The following SRSF4 variants were observed in gnomAD, a reference collection of about 807,000 sequenced individuals.
The protein encoded by SRSF4 is serine/arginine-rich splicing factor 4.
In SRSF4, 12 loss-of-function variants were observed where a neutral mutation model predicts 48.8. The ratio of observed to expected loss-of-function variants is 0.25; its 90% CI spans 0.16 to 0.40. The LOEUF (loss-of-function observed/expected upper bound fraction) is 0.40, where lower values mean the gene tolerates loss of function less well. Ranked by LOEUF, SRSF4 falls within the 10% of genes least tolerant of loss-of-function variation. The pLI is 1.00. For missense variants in SRSF4, 466 were observed against 667.1 expected (o/e 0.70, Z 3.32); for synonymous variants, 248 against 232.5 (o/e 1.07, Z -0.61).
At chr1:29,154,084 G>A (rs902427410) in intron 4 of SRSF4, among the ~76,000 whole-genome samples, 3 of 150,754 alleles carry the variant, frequency 2.0e-5, no homozygotes, top group Non-Finnish European at 2.9e-5. Flanking sequence ...ATGGAGTTTC[G>A]CTCTTGTTGC....
Position 29,170,932 on chromosome 1 carries a change from T to C in SRSF4, c.108-10415A>G, listed in dbSNP as rs921375562. 3.3e-5 allele frequency: 5 copies of C among 152,310 alleles called. No homozygotes were observed. In the East Asian group the frequency reaches 9.6e-4, roughly 29 times the overall value. The allele number at this position is 152,310 out of a possible 1,614,324, so 9.4% of individuals were successfully genotyped here. A position where few individuals can be genotyped will look rare whatever the true frequency, so the allele number is the denominator to read the frequency against. Reference sequence around the variant, plus strand: ...TGCCTTTCAAGCGCTTCTTCAGACATTGCGTGCAGTTCAGAAATCTTTAGC... The same window carrying C: ...TGCCTTTCAAGCGCTTCTTCAGACACTGCGTGCAGTTCAGAAATCTTTAGC... On this transcript the variant is annotated intron_variant, in intron 1 of 5. Coordinates refer to ENST00000373795, the MANE Select transcript of SRSF4 (RefSeq NM_005626.5).
intron 2 of SRSF4, 168 bp downstream of exon 2, chr1:29,160,207 A>C: frequency 1.4e-6 from 1 of 727,682 alleles, no homozygotes; most frequent in Non-Finnish European, 2.1e-6. Flanking sequence ...ATTAAAATTA[A>C]ACATTATCAA....
In SRSF4 at chr1:29,150,192, C is replaced by T. The variant is rs746667473; in HGVS notation, c.579G>A (p.Arg193=). The change falls in exon 5 of 6, where the codon AGG becomes AGA. Residue 193 remains arginine (R), a splice_region_variant and synonymous_variant. Coordinates refer to ENST00000373795, the MANE Select transcript of SRSF4 (RefSeq NM_005626.5). ...GGGAATGTCTGCTTCGAGAGCGAGACCTAGGGGGAGAAAATATTTTTTAAT... is the reference window on the plus strand; with the variant it reads ...GGGAATGTCTGCTTCGAGAGCGAGATCTAGGGGGAGAAAATATTTTTTAAT... ...RSYSRSRSHS[R]SRSRSRHSRK... 3 of 1,613,416 alleles carry T rather than the reference C, an allele frequency of 1.9e-6. No homozygotes were observed. Among genetic ancestry groups the T allele is most frequent in the Non-Finnish European group, 2.5e-6 (3 of 1,179,692 alleles).
At position 29,148,359 on chromosome 1, in the gene SRSF4, C is replaced by T; in HGVS notation, c.*51G>A. On this transcript the variant is annotated 3_prime_UTR_variant, in exon 6 of 6. Transcript: ENST00000373795. The stretch of plus-strand genomic sequence containing the variant: ...CTCCAATCACTTGTGCTACGGCTAC[C>T]AAACATGTACAAAAGACTTCTCGGG... 6.4e-7 allele frequency: 1 copy of T among 1,551,352 alleles called. No homozygotes were observed. The highest frequency in any genetic ancestry group is 8.7e-7 in the Non-Finnish European group (1 of 1,149,410).
chr1:29,180,618 C>A (rs1013387110), intron 1 of SRSF4, among the ~76,000 whole-genome samples: 1 of 152,096 alleles, frequency 6.6e-6, no homozygotes, highest in African/African-American at 2.4e-5. Context: ...CTTTTTTAAG[C>A]CAAGAGTTCT....
At chr1:29,164,103 A>G (rs1672636338) in intron 1 of SRSF4, among the ~76,000 whole-genome samples, 1 of 152,240 alleles carries the variant, frequency 6.6e-6, no homozygotes. Context: ...CTGCGGCTTC[A>G]GCCTCCCAAG....
intron 1 of SRSF4, chr1:29,166,692 G>C (rs1240099485): frequency 6.6e-6 from 1 of 152,212 alleles, no homozygotes; most frequent in Non-Finnish European, 1.5e-5. Flanking sequence ...GAGGAGGGAG[G>C]GCCATCAAGG....
intron 1 of SRSF4, chr1:29,169,063 C>T (rs1382176419): frequency 2.6e-5 from 4 of 152,242 alleles, no homozygotes; most frequent in Non-Finnish European, 5.9e-5. Flanking sequence ...CTCTTCTTCA[C>T]ATTTCTTTGT....
rs558154534 is a variant in SRSF4, at chr1:29,156,583, G to C, written c.364-1673C>G. Among the ~76,000 whole-genome samples the C allele has an allele frequency of 6.1e-3, 932 of 152,302 alleles. 2 individuals carry two copies. Among genetic ancestry groups the C allele is most frequent in the Middle Eastern group, 0.014 (4 of 294 alleles). On this transcript the variant is annotated intron_variant, in intron 3 of 5. Transcript: ENST00000373795. ...ATGTAAGTAACTTGCTAAGGGTCAT[G>C]TAAGTGACCTTAGTGGCAGAACCAG...
rs749793878 is a variant in SRSF4 at position 29,154,692 on chromosome 1, G to A, written c.578+4C>T. 1.9e-6 allele frequency: 3 copies of A among 1,614,052 alleles called. No homozygotes were observed. In the South Asian group the frequency reaches 3.3e-5, roughly 18 times the overall value. On this transcript the variant is annotated splice_donor_region_variant and intron_variant, in intron 4 of 5. Coordinates refer to ENST00000373795, the MANE Select transcript of SRSF4 (RefSeq NM_005626.5). ...CTCCAACACACAAAAGACATCAACA[G>A]TACCTTGAATGACTCCGGCTTCTGG...
intron 1 of SRSF4, among the ~76,000 whole-genome samples, chr1:29,178,575 C>G (rs1450859337): frequency 1.3e-5 from 2 of 151,916 alleles, no homozygotes; most frequent in East Asian, 3.9e-4. Flanking sequence ...CCAGGATGGT[C>G]TCGATCTCCT....
In SRSF4 at chr1:29,147,941, T is replaced by C; in HGVS notation, c.*469A>G. 1 of 379,170 alleles carries C rather than the reference T, an allele frequency of 2.6e-6. No individual in the cohort carries two copies. Among genetic ancestry groups the C allele is most frequent in the South Asian group, 1.9e-5 (1 of 51,342 alleles). 23.5% of individuals were successfully genotyped at this position (379,170 alleles called of 1,614,324 possible). A position where few individuals can be genotyped will look rare whatever the true frequency, so the allele number is the denominator to read the frequency against. ...ACTGCAGGTATCAATTTTCCTCGACTGTGCTATTCACAACTTTGTTAAGTC... is the reference window on the plus strand; with the variant it reads ...ACTGCAGGTATCAATTTTCCTCGACCGTGCTATTCACAACTTTGTTAAGTC... On this transcript the variant is annotated 3_prime_UTR_variant, in exon 6 of 6. Coordinates refer to ENST00000373795, the MANE Select transcript of SRSF4 (RefSeq NM_005626.5).
intron 2 of SRSF4, 164 bp downstream of exon 2, chr1:29,160,209 CAT>C: frequency 1.3e-6 from 1 of 742,948 alleles, no homozygotes; most frequent in Non-Finnish European, 2.0e-6. Flanking sequence ...TAAAATTAAA[CAT>C]TATCAAAGGC....
rs373767750 is a variant in SRSF4, at chr1:29,148,947, A to G, written c.948T>C (p.Ser316=). 27 of 1,596,628 alleles carry G rather than the reference A, an allele frequency of 1.7e-5. No individual in the cohort carries two copies. Among genetic ancestry groups the G allele is most frequent in the East Asian group, 1.1e-4 (5 of 44,184 alleles). Reference sequence around the variant, plus strand: ...TCTCCTGGCTCCTGCCCCTGCTCACACTCCCTCGCTTCTCCTCCTCCACTC... The same window carrying G: ...TCTCCTGGCTCCTGCCCCTGCTCACGCTCCCTCGCTTCTCCTCCTCCACTC... ...ERRVEEEKRG[S]VSRGRSQEKS... is the part of the protein sequence containing the mutation. The change falls in exon 6 of 6, where the codon AGT becomes AGC. Residue 316 remains serine (S), a synonymous_variant. Coordinates refer to ENST00000373795, the MANE Select transcript of SRSF4 (RefSeq NM_005626.5).
chr1:29,178,316 T>C (rs944090631), intron 1 of SRSF4, among the ~76,000 whole-genome samples: 1 of 151,140 alleles, frequency 6.6e-6, no homozygotes, highest in Admixed American at 6.6e-5. Flanking sequence ...CAAAGACCTA[T>C]CTAAAGCATC....
chr1:29,181,226 G>C (rs942041851), intron 1 of SRSF4, among the ~76,000 whole-genome samples: 1 of 152,234 alleles, frequency 6.6e-6, no homozygotes, highest in Non-Finnish European at 1.5e-5. Flanking sequence ...CCGGGCAAGA[G>C]GTGAAAGGGA....
intron 1 of SRSF4, among the ~76,000 whole-genome samples, chr1:29,179,673 TTTC>T (rs1396695640): frequency 6.6e-6 from 1 of 152,200 alleles, no homozygotes; most frequent in African/African-American, 2.4e-5. Context: ...GAAACCTAAA[TTTC>T]TTCACTTCAA....
chr1:29,175,722 A>C lies in SRSF4; in HGVS notation c.107+5924T>G, dbSNP rs904383094. Among the ~76,000 whole-genome samples the C allele has an allele frequency of 1.7e-4, 26 of 150,558 alleles. No homozygotes were observed. In the East Asian group the frequency reaches 4.8e-3, roughly 28 times the overall value. Reference sequence around the variant, plus strand: ...AAAAAAAAAAAAAAAAAAAAAAAAAAATTTCCAATTATAAATATGTGCTAC... The same window carrying C: ...AAAAAAAAAAAAAAAAAAAAAAAAACATTTCCAATTATAAATATGTGCTAC... On this transcript the variant is annotated intron_variant, in intron 1 of 5. Transcript: ENST00000373795.
rs550691414 is a variant in SRSF4 at position 29,159,996 on chromosome 1, C to T, written c.250+379G>A. On this transcript the variant is annotated intron_variant, in intron 2 of 5. Transcript: ENST00000373795. ...AGGGCCACAATGGTTCAAAGAGCCA[C>T]GCATGGAAAGGTAACCCAAGGTCAG... 134 of 191,946 alleles carry T rather than the reference C, an allele frequency of 7.0e-4. No homozygotes were observed. In the South Asian group the frequency reaches 0.011, roughly 16 times the overall value. The allele number at this position is 191,946 out of a possible 1,614,324, so 11.9% of individuals were successfully genotyped here. A position where few individuals can be genotyped will look rare whatever the true frequency, so the allele number is the denominator to read the frequency against.
Sources: gnomAD v4.1 joint callset for allele counts (sites outside exome capture counted in the v4.1 genomes callset) on GRCh38, gnomAD v4.1.1 for gene constraint, MANE v1.5 for transcripts, NCBI Gene and HGNC (gene_info 2026-07-23, HGNC 2026-07-21) for gene names.